The following ABCC4 variants were observed in gnomAD, a reference collection of about 807,000 sequenced individuals.
The protein encoded by ABCC4 is ATP binding cassette subfamily C member 4 (PEL blood group).
A neutral mutation model predicts 168.5 loss-of-function variants in ABCC4; 102 were observed. That is an observed-to-expected ratio of 0.61 (90% CI 0.52 to 0.71). The LOEUF (loss-of-function observed/expected upper bound fraction) is 0.71. ABCC4 is among the 30% of genes least tolerant of loss of function. The pLI, the probability that ABCC4 is intolerant of heterozygous loss-of-function variation, is 0.00. For missense variants in ABCC4, 1,402 were observed against 1,605.8 expected (o/e 0.87, Z 2.17); for synonymous variants, 617 against 590.7 (o/e 1.04, Z -0.65).
chr13:95,107,043 G>A (rs922701974), intron 20 of ABCC4, among the ~76,000 whole-genome samples: 1 of 152,050 alleles, frequency 6.6e-6, no homozygotes, highest in Non-Finnish European at 1.5e-5. Context: ...GACCACCTGA[G>A]GTCAGGAGTT....
chr13:95,259,597 A>G (rs1295006815), intron 1 of ABCC4, among the ~76,000 whole-genome samples: 3 of 152,208 alleles, frequency 2.0e-5, no homozygotes, highest in Non-Finnish European at 1.5e-5. Flanking sequence ...AGGCATTGCC[A>G]GGGTGGCAAA....
At chr13:95,217,507 G>A (rs927145024) in intron 4 of ABCC4, among the ~76,000 whole-genome samples, 21 of 152,170 alleles carry the variant, frequency 1.4e-4, no homozygotes, top group Admixed American at 5.2e-4. Context: ...CAGGGAGGGC[G>A]GATCACCTTA....
At chr13:95,265,531 G>A (rs1267411776) in intron 1 of ABCC4, among the ~76,000 whole-genome samples, 1 of 152,184 alleles carries the variant, frequency 6.6e-6, no homozygotes, top group African/African-American at 2.4e-5. Flanking sequence ...AACACTTTGG[G>A]AGGCTGAGGC....
intron 1 of ABCC4, among the ~76,000 whole-genome samples, chr13:95,267,550 T>A (rs1386363519): frequency 6.6e-6 from 1 of 152,118 alleles, no homozygotes; most frequent in Admixed American, 6.6e-5. Flanking sequence ...ACAGGCATGG[T>A]GACAAGGGGC....
chr13:95,184,495 C>T (rs1472774492), intron 11 of ABCC4, among the ~76,000 whole-genome samples: 1 of 152,188 alleles, frequency 6.6e-6, no homozygotes, highest in Non-Finnish European at 1.5e-5. Flanking sequence ...ACTTGAACTG[C>T]AAATGTTCAA....
At chr13:95,101,163 TTC>T (rs1423041378) in intron 20 of ABCC4, among the ~76,000 whole-genome samples, 1 of 152,168 alleles carries the variant, frequency 6.6e-6, no homozygotes, top group Admixed American at 6.5e-5. Context: ...CCTTCACATT[TTC>T]TTTTTCTTGG....
intron 19 of ABCC4, among the ~76,000 whole-genome samples, chr13:95,146,167 C>T (rs533497847): frequency 4.7e-5 from 7 of 149,262 alleles, no homozygotes; most frequent in South Asian, 2.1e-4. Flanking sequence ...GCCAAGATTG[C>T]GCCACTGCAC....
rs199715614 is a variant in ABCC4, at chr13:95,034,632, G to A, written c.3843C>T (p.Ala1281=). ...KMVQQLGKAE[A]AALTETAKQV... ...GTTTTGCTGTTTCAGTGAGGGCAGC[G>A]GCTTCTGCCTTGCCCAGTTGTTGCA... Residue 1281 remains alanine, a synonymous_variant, in exon 30 of 31, where the codon GCC becomes GCT. Coordinates refer to ENST00000645237, the MANE Select transcript of ABCC4 (RefSeq NM_005845.5). The A allele has an allele frequency of 7.4e-6, 12 of 1,614,010 alleles. No homozygotes were observed. Among genetic ancestry groups the A allele is most frequent in the Middle Eastern group, 3.3e-4 (2 of 6,084 alleles).
chr13:95,054,877 C>T (rs1161867312), intron 26 of ABCC4, among the ~76,000 whole-genome samples: 1 of 152,168 alleles, frequency 6.6e-6, no homozygotes, highest in Non-Finnish European at 1.5e-5. Flanking sequence ...GGCTCTCATC[C>T]CTTTCCCTAT....
chr13:95,061,561 C>G (rs2033292983), intron 26 of ABCC4, among the ~76,000 whole-genome samples: 1 of 150,280 alleles, frequency 6.7e-6, no homozygotes, highest in Non-Finnish European at 1.5e-5. Context: ...GCTCTTGTCT[C>G]CTCTCTGTGT....
intron 19 of ABCC4, among the ~76,000 whole-genome samples, chr13:95,155,886 C>A (rs1182882775): frequency 6.6e-6 from 1 of 152,308 alleles, no homozygotes; most frequent in Admixed American, 6.5e-5. Flanking sequence ...GGACAACAAA[C>A]CGCTCATCTT....
At chr13:95,162,700 G>A (rs1409088885) in intron 18 of ABCC4, among the ~76,000 whole-genome samples, 1 of 152,196 alleles carries the variant, frequency 6.6e-6, no homozygotes. Context: ...CTTGCTGCCA[G>A]AGGATTTCAT....
At chr13:95,092,469 GA>G (rs1370495143) in intron 20 of ABCC4, among the ~76,000 whole-genome samples, 1 of 152,118 alleles carries the variant, frequency 6.6e-6, no homozygotes, top group African/African-American at 2.4e-5. Flanking sequence ...ATCTGCTCCT[GA>G]ATGAGCATTG....
chr13:95,052,275 C>A (rs569142177), intron 27 of ABCC4, among the ~76,000 whole-genome samples: 1 of 152,226 alleles, frequency 6.6e-6, no homozygotes, highest in Non-Finnish European at 1.5e-5. Context: ...ACCGCTGCAC[C>A]CAGCCTTAAA....
chr13:95,258,277 G>A (rs2040441804), intron 1 of ABCC4, among the ~76,000 whole-genome samples: 1 of 152,152 alleles, frequency 6.6e-6, no homozygotes, highest in Non-Finnish European at 1.5e-5. Flanking sequence ...AACTCATGGT[G>A]GGGTGCTGTG....
intron 3 of ABCC4, among the ~76,000 whole-genome samples, chr13:95,242,267 A>G (rs997085187): frequency 1.7e-4 from 26 of 151,214 alleles, no homozygotes; most frequent in African/African-American, 6.3e-4. Context: ...TTGCTCTGTC[A>G]CCCAGGCTGA....
chr13:95,274,625 C>T (rs1293622714), intron 1 of ABCC4, among the ~76,000 whole-genome samples: 1 of 152,208 alleles, frequency 6.6e-6, no homozygotes, highest in African/African-American at 2.4e-5. Flanking sequence ...CCCCTTCAGG[C>T]TCCTACAGGG....
intron 26 of ABCC4, among the ~76,000 whole-genome samples, chr13:95,057,107 C>A (rs1370337916): frequency 6.6e-6 from 1 of 152,184 alleles, no homozygotes. Flanking sequence ...ACTTAACTAC[C>A]CTGTGTCATG....
Position 95,074,163 on chromosome 13 carries a change from C to T in ABCC4, c.2917+51G>A, listed in dbSNP as rs546728933. On this transcript the variant is annotated intron_variant, in intron 23 of 30. Coordinates refer to ENST00000645237, the MANE Select transcript of ABCC4 (RefSeq NM_005845.5). ...GGCAAGAGTTTAATAAATGTAAACA[C>T]AGCTATAAATTGTAATCATACCATA... 4 of 1,390,648 alleles carry T rather than the reference C, an allele frequency of 2.9e-6. No individual in the cohort carries two copies. In the South Asian group the frequency reaches 5.1e-5, roughly 18 times the overall value. 86.1% of individuals were successfully genotyped at this position (1,390,648 alleles called of 1,614,324 possible). A position where few individuals can be genotyped will look rare whatever the true frequency, so the allele number is the denominator to read the frequency against.
Sources: allele counts gnomAD v4.1 joint callset (sites outside exome capture counted in the v4.1 genomes callset), GRCh38; gene constraint gnomAD v4.1.1; transcripts MANE v1.5; gene names NCBI Gene and HGNC (gene_info 2026-07-23, HGNC 2026-07-21).